SYN3: variants seen among roughly 807,000 people sequenced by gnomAD.
SYN3 encodes the protein synapsin-3.
SYN3 carries 35 observed loss-of-function variants against 65.8 expected under a neutral mutation model. The observed-to-expected ratio is 0.53, with a 90% CI of 0.41 to 0.70. The LOEUF is 0.70. SYN3 is among the 30% of genes least tolerant of loss of function. The probability of loss-of-function intolerance (pLI) is 0.00; values close to 1 mark genes in which losing one functional copy is unlikely to be tolerated. For synonymous variants in SYN3, 270 were observed against 292.9 expected (o/e 0.92, Z 0.80); for missense variants, 680 against 749.0 (o/e 0.91, Z 1.08).
At chr22:32,825,807 G>A (rs989030126) in intron 6 of SYN3, among the ~76,000 whole-genome samples, 19 of 148,906 alleles carry the variant, frequency 1.3e-4, no homozygotes, top group African/African-American at 3.5e-4. Context: ...GTTTATAAAA[G>A]CATCCAACTA....
chr22:32,669,523 C>T (rs893318552), intron 6 of SYN3, among the ~76,000 whole-genome samples: 3 of 152,166 alleles, frequency 2.0e-5, no homozygotes, highest in Non-Finnish European at 2.9e-5. Context: ...GAAAAGAGAA[C>T]GGCTGTCATT....
intron 6 of SYN3, among the ~76,000 whole-genome samples, chr22:32,835,395 T>C (rs545049473): frequency 2.0e-5 from 3 of 152,256 alleles, no homozygotes; most frequent in South Asian, 2.1e-4. Flanking sequence ...TTCAAATGAA[T>C]CTACGAACAT....
intron 6 of SYN3, among the ~76,000 whole-genome samples, chr22:32,645,392 G>C (rs188597512): frequency 1.3e-5 from 2 of 151,656 alleles, no homozygotes; most frequent in Non-Finnish European, 2.9e-5. Context: ...CAGAGGTGGC[G>C]GTGAGCGAAG....
intron 4 of SYN3, among the ~76,000 whole-genome samples, chr22:32,911,741 G>A (rs1362306638): frequency 6.6e-6 from 1 of 152,088 alleles, no homozygotes; most frequent in East Asian, 1.9e-4. Flanking sequence ...CAACTGCAGA[G>A]CTGCTGCTGC....
chr22:32,869,321 C>CTA, intron 4 of SYN3, among the ~76,000 whole-genome samples, 196 bp from the exon 5 acceptor site: 1 of 84,540 alleles, frequency 1.2e-5, no homozygotes, highest in African/African-American at 3.9e-5. Context: ...GCTGGAAACA[C>CTA]TATATATATT....
At chr22:32,537,263 G>A (rs1333378872) in intron 9 of SYN3, among the ~76,000 whole-genome samples, 1 of 151,992 alleles carries the variant, frequency 6.6e-6, no homozygotes, top group Non-Finnish European at 1.5e-5. Context: ...GGGTTCAAGT[G>A]ATTCTCCTGC....
At chr22:32,710,643 AAAAAAGAAAGAAAG>A (rs1253511253) in intron 6 of SYN3, among the ~76,000 whole-genome samples, 82 of 150,004 alleles carry the variant, frequency 5.5e-4, no homozygotes, top group Non-Finnish European at 9.3e-4. Flanking sequence ...AAAAAAAAAA[AAAAAAGAAAGAAAG>A]AAAAAGAAAG....
intron 6 of SYN3, among the ~76,000 whole-genome samples, chr22:32,765,308 C>T (rs558807321): frequency 2.6e-5 from 4 of 152,216 alleles, no homozygotes; most frequent in African/African-American, 9.6e-5. Flanking sequence ...CATCCCACAC[C>T]CGCCACAAAC....
intron 6 of SYN3, among the ~76,000 whole-genome samples, chr22:32,776,886 G>A (rs902865120): frequency 6.6e-6 from 1 of 152,148 alleles, no homozygotes; most frequent in Non-Finnish European, 1.5e-5. Flanking sequence ...CCAGCAGCAG[G>A]AGCCGCCCCC....
chr22:32,617,234 A>C (rs945296990), intron 6 of SYN3, among the ~76,000 whole-genome samples: 3 of 152,216 alleles, frequency 2.0e-5, no homozygotes, highest in African/African-American at 7.2e-5. Flanking sequence ...TCAACAAAAA[A>C]AGAAGGACCC....
chr22:32,720,079 T>C (rs927109545), intron 6 of SYN3, among the ~76,000 whole-genome samples: 2 of 152,150 alleles, frequency 1.3e-5, no homozygotes, highest in African/African-American at 4.8e-5. Context: ...TGGAATCTAG[T>C]CTTTTCAGTT....
At chr22:32,719,815 C>T (rs75065765) in intron 6 of SYN3, among the ~76,000 whole-genome samples, 9,454 of 152,112 alleles carry the variant, frequency 0.062, 340 homozygotes, top group Non-Finnish European at 0.086. Flanking sequence ...AGCCACTGCA[C>T]TGGGTGACAG....
At chr22:32,956,039 C>CATATATATATAT (rs2051443185) in intron 3 of SYN3, among the ~76,000 whole-genome samples, 1 of 57,598 alleles carries the variant, frequency 1.7e-5, no homozygotes, top group Admixed American at 1.8e-4. Context: ...TTAATAAATT[C>CATATATATATAT]ACATATATAT....
intron 4 of SYN3, among the ~76,000 whole-genome samples, chr22:32,873,598 A>G (rs948112395): frequency 1.3e-5 from 2 of 152,056 alleles, no homozygotes; most frequent in Non-Finnish European, 2.9e-5. Flanking sequence ...AGAGAACCAC[A>G]TTTTCCTGGG....
At chr22:32,930,289 G>A (rs772156177) in intron 4 of SYN3, among the ~76,000 whole-genome samples, 17 of 152,228 alleles carry the variant, frequency 1.1e-4, no homozygotes, top group Non-Finnish European at 1.9e-4. Flanking sequence ...AGTCTCAAGA[G>A]ATCTAACGGT....
At chr22:32,693,559 A>G (rs983295166) in intron 6 of SYN3, among the ~76,000 whole-genome samples, 49 of 149,888 alleles carry the variant, frequency 3.3e-4, no homozygotes, top group African/African-American at 1.1e-3. Context: ...TTTGGCCTAA[A>G]TCGGGTAATA....
intron 6 of SYN3, among the ~76,000 whole-genome samples, chr22:32,783,685 T>G (rs754358756): frequency 5.9e-5 from 9 of 152,198 alleles, no homozygotes; most frequent in Non-Finnish European, 8.8e-5. Flanking sequence ...GCTAGGAGTT[T>G]GAAATTCACC....
chr22:32,924,171 A>T (rs2050407917), intron 4 of SYN3, among the ~76,000 whole-genome samples: 1 of 152,198 alleles, frequency 6.6e-6, no homozygotes, highest in African/African-American at 2.4e-5. Context: ...TCTTTATGGT[A>T]GAATGATTTA....
intron 9 of SYN3, among the ~76,000 whole-genome samples, chr22:32,537,310 C>T (rs530655574): frequency 3.1e-4 from 47 of 152,268 alleles, no homozygotes; most frequent in Admixed American, 2.7e-3. Flanking sequence ...CAGGCACCCA[C>T]CACCATGCTT....
Sources: gnomAD v4.1 joint callset for allele counts (sites outside exome capture counted in the v4.1 genomes callset) on GRCh38, gnomAD v4.1.1 for gene constraint, MANE v1.5 for transcripts, NCBI Gene and HGNC (gene_info 2026-07-23, HGNC 2026-07-21) for gene names.